MED26: variants seen among roughly 807,000 people sequenced by gnomAD.
The protein encoded by MED26 is mediator complex subunit 26, also known as mediator of RNA polymerase II transcription subunit 26.
Under a neutral mutation model 43.7 loss-of-function variants are expected in MED26, and 7 were observed. That is an observed-to-expected ratio of 0.16 (90% CI 0.09 to 0.30). The LOEUF is 0.30. MED26 is among the 10% of genes least tolerant of loss of function. The probability of loss-of-function intolerance (pLI) is 1.00; values close to 1 mark genes in which losing one functional copy is unlikely to be tolerated. For missense variants in MED26, 784 were observed against 840.6 expected (o/e 0.93, Z 0.83); for synonymous variants, 375 against 371.1 (o/e 1.01, Z -0.12).
chr19:16,576,927 T>A lies in MED26; in HGVS notation c.903A>T (p.Ser301=). The A allele has an allele frequency of 6.3e-7, 1 of 1,596,150 alleles. No individual in the cohort carries two copies. Among genetic ancestry groups the A allele is most frequent in the Non-Finnish European group, 8.5e-7 (1 of 1,169,634 alleles). ...YAPKGSVPSP[S]PRPQALDATQ... ...TGGCATCGAGTGCCTGGGGCCGCGG[T>A]GAGGGGCTGGGCACGGAGCCCTTGG... Residue 301 remains serine (S), a synonymous_variant, in exon 3 of 3, where the codon TCA becomes TCT. Coordinates refer to ENST00000263390, the MANE Select transcript of MED26 (RefSeq NM_004831.5). The surrounding 1 kb of genome is among the most constrained non-coding windows in gnomAD (Gnocchi z 6.8).
At chr19:16,612,644 A>C (rs1189749281) in intron 1 of MED26, among the ~76,000 whole-genome samples, 1 of 152,200 alleles carries the variant, frequency 6.6e-6, no homozygotes, top group Non-Finnish European at 1.5e-5. Flanking sequence ...ATTGCTTCTG[A>C]AAGGCAGCTT....
intron 1 of MED26, among the ~76,000 whole-genome samples, chr19:16,620,281 G>C (rs2086245887): frequency 6.6e-6 from 1 of 152,190 alleles, no homozygotes; most frequent in Non-Finnish European, 1.5e-5. Context: ...GCCAGCAGGT[G>C]GCTGTGTTCC....
At chr19:16,621,313 C>T (rs2086250616) in intron 1 of MED26, among the ~76,000 whole-genome samples, 1 of 152,224 alleles carries the variant, frequency 6.6e-6, no homozygotes, top group Admixed American at 6.5e-5. Context: ...AGCAATGAGA[C>T]ACTCCACACA....
chr19:16,579,705 C>G (rs570668335), intron 1 of MED26, among the ~76,000 whole-genome samples: 1 of 152,246 alleles, frequency 6.6e-6, no homozygotes, highest in Admixed American at 6.5e-5. Flanking sequence ...CAACTCCCCC[C>G]CACCCCAACA....
chr19:16,580,374 G>GT (rs111862879), intron 1 of MED26, among the ~76,000 whole-genome samples: 1,620 of 144,656 alleles, frequency 0.011, 25 homozygotes, highest in African/African-American at 0.034. Flanking sequence ...CTCTTATTTT[G>GT]TTTTTTTTTT....
chr19:16,576,180 G>A lies in MED26; in HGVS notation c.1650C>T (p.Asp550=), dbSNP rs747067734. 19 of 1,613,228 alleles carry A rather than the reference G, an allele frequency of 1.2e-5. No homozygotes were observed. Among genetic ancestry groups the A allele is most frequent in the Admixed American group, 1.7e-5 (1 of 60,032 alleles). Residue 550 remains aspartate (D), a synonymous_variant, in exon 3 of 3, where the codon GAC becomes GAT. Transcript: ENST00000263390. This position sits in a 1 kb window ranked among gnomAD's most constrained non-coding sequence, Gnocchi z 6.8. ...GGCTGGCCTGGATTCTGTCGAGATC[G>A]TCCTGTGTGACCTCCCGGGTCAGAC... is the stretch of plus-strand genomic sequence containing the variant. ...LPGLTREVTQ[D]DLDRIQASQW...
At chr19:16,622,409 T>C (rs909461102) in intron 1 of MED26, among the ~76,000 whole-genome samples, 2 of 152,222 alleles carry the variant, frequency 1.3e-5, no homozygotes, top group Non-Finnish European at 2.9e-5. Flanking sequence ...AATCAGTTAG[T>C]GACTGAAATG....
intron 1 of MED26, among the ~76,000 whole-genome samples, chr19:16,592,029 C>T (rs936686594): frequency 6.6e-6 from 1 of 152,192 alleles, no homozygotes; most frequent in Non-Finnish European, 1.5e-5. Context: ...TTCCAACAAG[C>T]CCTCAAGGAG....
At chr19:16,621,341 G>C (rs1033827939) in intron 1 of MED26, among the ~76,000 whole-genome samples, 5 of 152,238 alleles carry the variant, frequency 3.3e-5, no homozygotes, top group African/African-American at 1.2e-4. Context: ...CTGGCACTGT[G>C]TAAGTGCTCA....
Position 16,593,929 on chromosome 19 carries a change from G to A in MED26, c.73-15520C>T, listed in dbSNP as rs181989787. On this transcript the variant is annotated intron_variant, in intron 1 of 2. Transcript: ENST00000263390. ...CTCAACGTGTTTTGAGAGAGCCTTC[G>A]TTTTCAATGCAGAGGTCCTGGAAGT... is the stretch of plus-strand genomic sequence containing the variant. Among the ~76,000 whole-genome samples the A allele has an allele frequency of 3.9e-5, 6 of 152,252 alleles. No individual in the cohort carries two copies. The East Asian group carries it at 5.8e-4, about 15-fold the overall frequency.
intron 1 of MED26, among the ~76,000 whole-genome samples, chr19:16,616,156 T>C (rs2086225344): frequency 6.6e-6 from 1 of 152,118 alleles, no homozygotes; most frequent in African/African-American, 2.4e-5. Flanking sequence ...ACCAAGCCTG[T>C]GTATTATTAG....
chr19:16,598,481 T>C (rs150517672), intron 1 of MED26, among the ~76,000 whole-genome samples: 1,836 of 152,214 alleles, frequency 0.012, 118 homozygotes, highest in Admixed American at 0.11. Flanking sequence ...TGCCCTGGCC[T>C]GCCTCCCAGA....
chr19:16,626,734 A>G (rs988296837), intron 1 of MED26, among the ~76,000 whole-genome samples: 6 of 152,168 alleles, frequency 3.9e-5, no homozygotes, highest in East Asian at 1.9e-4. Context: ...GCCAAAGATG[A>G]TATTTTTCTT....
At chr19:16,591,659 C>T (rs190853192) in intron 1 of MED26, among the ~76,000 whole-genome samples, 7 of 152,312 alleles carry the variant, frequency 4.6e-5, no homozygotes, top group Admixed American at 3.9e-4. Context: ...ACTTCCTACA[C>T]TCGAGAAAAG....
chr19:16,595,110 G>A (rs1465859758), intron 1 of MED26, among the ~76,000 whole-genome samples: 1 of 152,140 alleles, frequency 6.6e-6, no homozygotes, highest in East Asian at 1.9e-4. Context: ...CACTCCAGGA[G>A]CAGTGGCAGC....
intron 1 of MED26, among the ~76,000 whole-genome samples, chr19:16,596,857 G>GC (rs576928466): frequency 1.1e-3 from 160 of 152,344 alleles, no homozygotes; most frequent in African/African-American, 3.0e-3. Context: ...TGGCTTCCCA[G>GC]CCTGTAGCCC....
intron 1 of MED26, among the ~76,000 whole-genome samples, chr19:16,580,330 ATTTCCTGCT>A (rs1185288034): frequency 6.6e-6 from 1 of 151,446 alleles, no homozygotes; most frequent in Non-Finnish European, 1.5e-5. Context: ...TAGAGGATCC[ATTTCCTGCT>A]CCTTCAGGTG....
chr19:16,575,892 CCCTCCCTCCCGCCT>C lies in MED26; in HGVS notation c.*121_*134del, dbSNP rs2085992945. 1 of 706,852 alleles carries C rather than the reference CCCTCCCTCCCGCCT, an allele frequency of 1.4e-6. No individual in the cohort carries two copies. The highest frequency in any genetic ancestry group is 2.3e-6 in the Non-Finnish European group (1 of 426,202). 43.8% of individuals were successfully genotyped at this position (706,852 alleles called of 1,614,324 possible). A position where few individuals can be genotyped will look rare whatever the true frequency, so the allele number is the denominator to read the frequency against. On this transcript the variant is annotated 3_prime_UTR_variant, in exon 3 of 3. Transcript: ENST00000263390. ...GCAGAGAGACCGCGTGACTCCCGCCCCCTCCCTCCCGCCTGGGCCGGACTCCCCGAGTTCCCAGC... is the reference window on the plus strand; with the variant it reads ...GCAGAGAGACCGCGTGACTCCCGCCCGGGCCGGACTCCCCGAGTTCCCAGC...
intron 1 of MED26, among the ~76,000 whole-genome samples, chr19:16,585,689 C>A (rs1246708053): frequency 6.6e-6 from 1 of 152,220 alleles, no homozygotes; most frequent in Non-Finnish European, 1.5e-5. Flanking sequence ...CCCAGTGACA[C>A]CTCTGACCCC....
Sources: gnomAD v4.1 joint callset for allele counts (sites outside exome capture counted in the v4.1 genomes callset) on GRCh38, gnomAD v4.1.1 for gene constraint, Gnocchi (gnomAD v3.1) non-coding constraint, MANE v1.5 for transcripts, NCBI Gene and HGNC (gene_info 2026-07-23, HGNC 2026-07-21) for gene names.